The following FBXL7 variants were observed in gnomAD, a reference collection of about 807,000 sequenced individuals.
The protein encoded by FBXL7 is F-box/LRR-repeat protein 7.
Under a neutral mutation model 38.3 loss-of-function variants are expected in FBXL7, and 12 were observed. That is an observed-to-expected ratio of 0.31 (90% CI 0.20 to 0.51). The LOEUF is 0.51. FBXL7 is among the 20% of genes least tolerant of loss of function. The probability of loss-of-function intolerance (pLI) is 0.98; values close to 1 mark genes in which losing one functional copy is unlikely to be tolerated. For synonymous variants in FBXL7, 297 were observed against 300.9 expected, an observed-to-expected ratio of 0.99 and a Z score of 0.13; for missense variants, 567 against 676.4, an observed-to-expected ratio of 0.84 and a Z score of 1.79.
chr5:15,812,818 T>C (rs1481523725), intron 2 of FBXL7, among the ~76,000 whole-genome samples: 1 of 152,168 alleles, frequency 6.6e-6, no homozygotes, highest in Non-Finnish European at 1.5e-5. Context: ...GAGTAGTGGT[T>C]TGTAGTTCTC....
Position 15,937,190 on chromosome 5 carries a change from G to C in FBXL7, c.*4G>C. The stretch of plus-strand genomic sequence containing the variant: ...CACCAACCCGGCTTTCTTCTGAAGG[G>C]ACAGAGTTCATCCGGCGTTGTATTC... On this transcript the variant is annotated 3_prime_UTR_variant, in exon 4 of 4. Coordinates refer to ENST00000504595, the MANE Select transcript of FBXL7 (RefSeq NM_012304.5). The C allele has an allele frequency of 6.3e-7, 1 of 1,578,884 alleles. No homozygotes were observed. The highest frequency in any genetic ancestry group is 8.6e-7 in the Non-Finnish European group (1 of 1,160,358).
chr5:15,623,106 T>A (rs957507622), intron 2 of FBXL7, among the ~76,000 whole-genome samples: 1 of 152,212 alleles, frequency 6.6e-6, no homozygotes, highest in Non-Finnish European at 1.5e-5. Context: ...GCTATTTAAT[T>A]CTCTTTTGCT....
chr5:15,762,835 C>T (rs1561116742), intron 2 of FBXL7, among the ~76,000 whole-genome samples: 1 of 152,104 alleles, frequency 6.6e-6, no homozygotes. Context: ...TCTTCCTAAA[C>T]AGTTTATGCT....
chr5:15,551,878 C>G (rs183124568), intron 1 of FBXL7, among the ~76,000 whole-genome samples: 27 of 152,266 alleles, frequency 1.8e-4, no homozygotes, highest in Admixed American at 5.2e-4. Context: ...TAGGAAACAC[C>G]CTTCTTTCTT....
At chr5:15,932,048 T>C (rs1483239712) in intron 3 of FBXL7, among the ~76,000 whole-genome samples, 5 of 152,206 alleles carry the variant, frequency 3.3e-5, no homozygotes, top group Admixed American at 3.3e-4. Flanking sequence ...TTTTTGCACT[T>C]TTATGACATT....
intron 2 of FBXL7, among the ~76,000 whole-genome samples, chr5:15,659,914 G>A (rs1742001464): frequency 2.6e-5 from 4 of 152,182 alleles, no homozygotes; most frequent in Non-Finnish European, 1.5e-5. Flanking sequence ...GTGGGAGGGA[G>A]AAACTATAAA....
intron 1 of FBXL7, among the ~76,000 whole-genome samples, chr5:15,588,061 G>T (rs1739351344): frequency 6.6e-6 from 1 of 152,124 alleles, no homozygotes; most frequent in African/African-American, 2.4e-5. Flanking sequence ...TTTTGCATCA[G>T]ATTTAATGTC....
At chr5:15,832,708 G>A (rs1354843590) in intron 2 of FBXL7, among the ~76,000 whole-genome samples, 1 of 152,184 alleles carries the variant, frequency 6.6e-6, no homozygotes, top group East Asian at 1.9e-4. Flanking sequence ...AGAGATCTCA[G>A]AGGGCTTCAT....
rs967900784 is a variant in FBXL7, at chr5:15,749,822, CAGAGCCCAGAGCCCTGGGCCTTGA to C, written c.127+133760_127+133783del. Among the ~76,000 whole-genome samples the C allele has an allele frequency of 3.3e-5, 5 of 152,276 alleles. No homozygotes were observed. The East Asian group carries it at 9.7e-4, about 30-fold the overall frequency. On this transcript the variant is annotated intron_variant, in intron 2 of 3. Transcript: ENST00000504595. ...ACCCTCCTGGGGAAACTTGCCTTGACAGAGCCCAGAGCCCTGGGCCTTGAAGAGCCCAGGAGACTCTGCCTACAA... is the reference window on the plus strand; with the variant it reads ...ACCCTCCTGGGGAAACTTGCCTTGACAGAGCCCAGGAGACTCTGCCTACAA...
At chr5:15,611,337 T>A (rs905339728) in intron 1 of FBXL7, among the ~76,000 whole-genome samples, 16 of 150,870 alleles carry the variant, frequency 1.1e-4, no homozygotes, top group Non-Finnish European at 1.9e-4. Context: ...TTGCTTTTTG[T>A]ACTTTTTCTT....
intron 1 of FBXL7, among the ~76,000 whole-genome samples, chr5:15,560,848 A>G (rs1738391099): frequency 6.6e-6 from 1 of 152,136 alleles, no homozygotes; most frequent in Non-Finnish European, 1.5e-5. Context: ...GTATTATAAT[A>G]TTAATGTTGC....
rs528013719 is a variant in FBXL7 at position 15,816,457 on chromosome 5, C to T, written c.128-111433C>T. Among the ~76,000 whole-genome samples, 114 of 152,116 alleles carry T rather than the reference C, an allele frequency of 7.5e-4. 1 individual carries two copies. Among genetic ancestry groups the T allele is most frequent in the African/African-American group, 2.1e-3 (87 of 41,518 alleles). ...TAAGCTATTGGTATGCAAAAGCATACAGAGTGGTATAATGGACATTGAAGA... is the reference window on the plus strand; with the variant it reads ...TAAGCTATTGGTATGCAAAAGCATATAGAGTGGTATAATGGACATTGAAGA... On this transcript the variant is annotated intron_variant, in intron 2 of 3. Transcript: ENST00000504595.
At chr5:15,594,164 T>A (rs1739553209) in intron 1 of FBXL7, among the ~76,000 whole-genome samples, 1 of 152,196 alleles carries the variant, frequency 6.6e-6, no homozygotes, top group African/African-American at 2.4e-5. Flanking sequence ...GGCATTTGCC[T>A]CCACTGCTAC....
Position 15,807,780 on chromosome 5 carries a change from C to T in FBXL7, c.128-120110C>T, listed in dbSNP as rs1204505514. Among the ~76,000 whole-genome samples, 5 of 151,912 alleles carry T rather than the reference C, an allele frequency of 3.3e-5. No homozygotes were observed. In the South Asian group the frequency reaches 1.0e-3, roughly 32 times the overall value. ...AGAGCTCTCGCTTACTTCTTCTAAT[C>T]GCAAATTACACAGATTTCTAGCAGC... On this transcript the variant is annotated intron_variant, in intron 2 of 3. Coordinates refer to ENST00000504595, the MANE Select transcript of FBXL7 (RefSeq NM_012304.5).
chr5:15,535,111 T>C (rs886150799), intron 1 of FBXL7, among the ~76,000 whole-genome samples: 2 of 152,226 alleles, frequency 1.3e-5, no homozygotes, highest in African/African-American at 2.4e-5. Flanking sequence ...CCCTTTGCCT[T>C]CTGCCATGAT....
chr5:15,622,941 G>C (rs1312393170), intron 2 of FBXL7, among the ~76,000 whole-genome samples: 1 of 152,154 alleles, frequency 6.6e-6, no homozygotes, highest in African/African-American at 2.4e-5. Flanking sequence ...ATGACCTCAA[G>C]TGATCCCCCC....
chr5:15,858,071 G>A (rs1401088889), intron 2 of FBXL7, among the ~76,000 whole-genome samples: 3 of 151,780 alleles, frequency 2.0e-5, no homozygotes, highest in Non-Finnish European at 2.9e-5. Flanking sequence ...TTCATGGCTT[G>A]GTATTCCAGT....
intron 2 of FBXL7, among the ~76,000 whole-genome samples, chr5:15,898,853 G>T (rs1470058616): frequency 1.3e-5 from 2 of 152,038 alleles, no homozygotes; most frequent in Non-Finnish European, 2.9e-5. Context: ...TCACTTCATT[G>T]CTCCTGCTCA....
chr5:15,892,449 G>A (rs903933809), intron 2 of FBXL7, among the ~76,000 whole-genome samples: 1 of 152,186 alleles, frequency 6.6e-6, no homozygotes, highest in Non-Finnish European at 1.5e-5. Context: ...GGTCTACAAC[G>A]GCAATGGCTG....
Sources: allele counts gnomAD v4.1 joint callset (sites outside exome capture counted in the v4.1 genomes callset), GRCh38; gene constraint gnomAD v4.1.1; transcripts MANE v1.5; gene names NCBI Gene and HGNC (gene_info 2026-07-23, HGNC 2026-07-21).